GIGYF1: variants seen among roughly 807,000 people sequenced by gnomAD.
The protein encoded by GIGYF1 is GRB10-interacting GYF protein 1.
A neutral mutation model predicts 147.1 loss-of-function variants in GIGYF1; 84 were observed. The observed-to-expected ratio is 0.57, with a 90% confidence interval of 0.48 to 0.68. The LOEUF is 0.68. Among genes scored for constraint, GIGYF1 ranks in the 30% least tolerant of loss-of-function variants. The probability of loss-of-function intolerance (pLI) is 0.00; values close to 1 mark genes in which losing one functional copy is unlikely to be tolerated. For synonymous variants in GIGYF1, 752 were observed against 589.5 expected (o/e 1.28, Z -3.99); for missense variants, 1,485 against 1,393.7 (o/e 1.07, Z -1.04).
intron 13 of GIGYF1, 58 bp from the exon 14 acceptor site, chr7:100,685,204 C>T (rs1445797694): frequency 3.6e-5 from 54 of 1,511,920 alleles, no homozygotes; most frequent in South Asian, 4.8e-5. Flanking sequence ...AGATAGCTTT[C>T]GCCTACTCTC....
chr7:100,682,027 G>A (rs1002033301), intron 25 of GIGYF1, 34 bp from the exon 26 acceptor site: 7 of 1,610,336 alleles, frequency 4.3e-6, no homozygotes, highest in Non-Finnish European at 5.9e-6. Flanking sequence ...AAGGTCAGGA[G>A]GCACCAGGCA....
At chr7:100,687,694 G>A (rs1167927615) in intron 6 of GIGYF1, 78 bp from the exon 7 acceptor site, 35 of 430,058 alleles carry the variant, frequency 8.1e-5, no homozygotes, top group Non-Finnish European at 1.1e-4. Context: ...CACCCTCCCC[G>A]CCTGTCTCCT....
Position 100,684,528 on chromosome 7 carries a change from G to A in GIGYF1, c.1551C>T (p.Gly517=). 1 of 1,614,056 alleles carries A rather than the reference G, an allele frequency of 6.2e-7. No homozygotes were observed. The highest frequency in any genetic ancestry group is 2.2e-5 in the East Asian group (1 of 44,888). Residue 517 remains glycine (G), a synonymous_variant, in exon 16 of 27, where the codon GGC becomes GGT. Transcript: ENST00000678049. ...SLLVKRGCDE[G]FQPLGEVIKM... is the part of the protein sequence containing the mutation. ...TGATCACCTCGCCCAGCGGCTGGAA[G>A]CCCTCATCGCAGCCCCGCTTCACCA...
chr7:100,687,489 G>A lies in GIGYF1; in HGVS notation c.373+16C>T, dbSNP rs956002423. The A allele has an allele frequency of 1.2e-5, 19 of 1,607,012 alleles. No homozygotes were observed. The highest frequency in any genetic ancestry group is 5.3e-5 in the African/African-American group (4 of 74,804). Reference sequence around the variant, plus strand: ...CCAGATCTGCCCGTCCCCAGGACACGCCATCACCCCTCTACCTCGGCTCCG... The same window carrying A: ...CCAGATCTGCCCGTCCCCAGGACACACCATCACCCCTCTACCTCGGCTCCG... On this transcript the variant is annotated intron_variant, in intron 7 of 26. Transcript: ENST00000678049.
rs749519464 is a variant in GIGYF1 at position 100,686,711 on chromosome 7, C to CCCTCCT, written c.626_631dup (p.Glu209_Glu210dup). On this transcript the variant is annotated inframe_insertion, in exon 10 of 27. Coordinates refer to ENST00000678049, the MANE Select transcript of GIGYF1 (RefSeq NM_001375765.1). ...GGGCCCTGCTCCGAGCCTCCAGCTG[C>CCCTCCT]CCTCCTCCTCCTCCTCCTGTTCCTC... 8.1e-6 allele frequency: 13 copies of CCCTCCT among 1,611,980 alleles called. No homozygotes were observed. The highest frequency in any genetic ancestry group is 2.2e-5 in the South Asian group (2 of 91,002).
chr7:100,693,660 A>C (rs1806004260), intron 1 of GIGYF1, among the ~76,000 whole-genome samples: 1 of 151,934 alleles, frequency 6.6e-6, no homozygotes, highest in South Asian at 2.1e-4. Context: ...GGGCCCGGCC[A>C]CCCTAGGACG....
At position 100,680,528 on chromosome 7, in the gene GIGYF1, CATCAT is replaced by C. The variant is rs1307752141; in HGVS notation, c.*1186_*1190del. The C allele has an allele frequency of 1.1e-4, 17 of 152,680 alleles. No homozygotes were observed. The highest frequency in any genetic ancestry group is 3.9e-4 in the African/African-American group (16 of 41,458). The allele number at this position is 152,680 out of a possible 1,614,324, so 9.5% of individuals were successfully genotyped here. ...CAACCTTACCCAACGGTAAAAAGCG[CATCAT>C]ATCAGACCCGGAAGGCCACCTGCTC... On this transcript the variant is annotated 3_prime_UTR_variant, in exon 27 of 27. Transcript: ENST00000678049.
chr7:100,683,231 C>T lies in GIGYF1; in HGVS notation c.2194-1G>A. On this transcript the variant is annotated splice_acceptor_variant, in intron 21 of 26. Transcript: ENST00000678049. LOFTEE classifies it high-confidence loss of function. The stretch of plus-strand genomic sequence containing the variant: ...TCAGCAATAGCTCCTGCTGCCGCAC[C>T]TAAGAGGGGGACATGGTGAGGGGAC... 1 of 1,612,462 alleles carries T rather than the reference C, an allele frequency of 6.2e-7. No homozygotes were observed. The highest frequency in any genetic ancestry group is 8.5e-7 in the Non-Finnish European group (1 of 1,179,982).
In GIGYF1 at chr7:100,687,635, G is replaced by A. The variant is rs776770975; in HGVS notation, c.262-19C>T. The A allele has an allele frequency of 7.6e-6, 12 of 1,588,540 alleles. No individual in the cohort carries two copies. In the African/African-American group the frequency reaches 1.5e-4, roughly 20 times the overall value. On this transcript the variant is annotated intron_variant, in intron 6 of 26. Transcript: ENST00000678049. ...AGTTTCTCTGAGGAGGGAGCCAGGG[G>A]CGGGAGTGAGGACCCAGGCACCCAA...
chr7:100,687,043 G>C lies in GIGYF1; in HGVS notation c.486C>G (p.Gly162=), dbSNP rs544550676. The C allele has an allele frequency of 3.1e-6, 5 of 1,613,794 alleles. No individual in the cohort carries two copies. Among genetic ancestry groups the C allele is most frequent in the Non-Finnish European group, 3.4e-6 (4 of 1,179,998 alleles). Residue 162 remains glycine, a synonymous_variant, in exon 9 of 27, where the codon GGC becomes GGG. Coordinates refer to ENST00000678049, the MANE Select transcript of GIGYF1 (RefSeq NM_001375765.1). ...IQRSQSWDDR[G]ERRFEKSARR... ...TTGCTGACTTCTCAAACCGCCTCTC[G>C]CCTCTGCAGCAGGGGAAACGTGTGG...
intron 1 of GIGYF1, among the ~76,000 whole-genome samples, chr7:100,691,501 A>G (rs1805818767): frequency 2.4e-5 from 1 of 42,074 alleles, no homozygotes; most frequent in Non-Finnish European, 4.2e-5. Flanking sequence ...TTGAGAAAAG[A>G]ATAGATTTTT....
chr7:100,681,551 G>A lies in GIGYF1; in HGVS notation c.*168C>T. 1 of 467,468 alleles carries A rather than the reference G, an allele frequency of 2.1e-6. No homozygotes were observed. Among genetic ancestry groups the A allele is most frequent in the Non-Finnish European group, 3.7e-6 (1 of 271,284 alleles). 29.0% of individuals were successfully genotyped at this position (467,468 alleles called of 1,614,324 possible). On this transcript the variant is annotated 3_prime_UTR_variant, in exon 27 of 27. Coordinates refer to ENST00000678049, the MANE Select transcript of GIGYF1 (RefSeq NM_001375765.1). ...AACCCCCTCCCCCAGTCTGTAAAGT[G>A]CCTCGTGGTGGGTGAGTTAAGGTGC...
In GIGYF1 at chr7:100,684,443, G is replaced by A. The variant is rs375600345; in HGVS notation, c.1629+7C>T. Reference sequence around the variant, plus strand: ...CTGTCCCTCCATGCAGGGGAGAAGCGGCTCACCAGCAGTGGGGGAGGTGAG... The same window carrying A: ...CTGTCCCTCCATGCAGGGGAGAAGCAGCTCACCAGCAGTGGGGGAGGTGAG... On this transcript the variant is annotated splice_region_variant and intron_variant, in intron 16 of 26. Transcript: ENST00000678049. 186 of 1,611,972 alleles carry A rather than the reference G, an allele frequency of 1.2e-4. No homozygotes were observed. Among genetic ancestry groups the A allele is most frequent in the Non-Finnish European group, 1.5e-4 (177 of 1,179,900 alleles).
Position 100,679,966 on chromosome 7 carries a change from C to T in GIGYF1, c.*1753G>A, listed in dbSNP as rs1562862308. 1 of 152,572 alleles carries T rather than the reference C, an allele frequency of 6.6e-6. No individual in the cohort carries two copies. The highest frequency in any genetic ancestry group is 1.5e-5 in the Non-Finnish European group (1 of 68,112). 9.5% of individuals were successfully genotyped at this position (152,572 alleles called of 1,614,324 possible). A position where few individuals can be genotyped will look rare whatever the true frequency, so the allele number is the denominator to read the frequency against. ...ATTCAGTCACAACAGGAGTCTCCCC[C>T]ACACCTGGCAAGAGGGAAGGGGAGC... On this transcript the variant is annotated 3_prime_UTR_variant, in exon 27 of 27. Transcript: ENST00000678049.
Position 100,681,650 on chromosome 7 carries a change from C to CT in GIGYF1, c.*68dup. 1 of 1,449,890 alleles carries CT rather than the reference C, an allele frequency of 6.9e-7. No homozygotes were observed. Among genetic ancestry groups the CT allele is most frequent in the Admixed American group, 2.4e-5 (1 of 42,364 alleles). The allele number at this position is 1,449,890 out of a possible 1,614,324, so 89.8% of individuals were successfully genotyped here. On this transcript the variant is annotated 3_prime_UTR_variant, in exon 27 of 27. Coordinates refer to ENST00000678049, the MANE Select transcript of GIGYF1 (RefSeq NM_001375765.1). ...GTGCTCTCTGCGGGGAGCCTGCAGG[C>CT]TGGGACCCTCGGTCCACGCCGCTGT...
chr7:100,690,303 C>T (rs1805726437), intron 1 of GIGYF1, among the ~76,000 whole-genome samples: 1 of 152,062 alleles, frequency 6.6e-6, no homozygotes, highest in Non-Finnish European at 1.5e-5. Context: ...TCTAGAAGGC[C>T]AGAAGCTCAT....
chr7:100,681,960 C>A lies in GIGYF1; in HGVS notation c.2959G>T (p.Ala987Ser). ...AWLSSASLQT[A>S]FQANHSTKLG... ...TTGGTGCTGTGGTTGGCCTGGAAGG[C>A]CGTCTGCAGCGAGGCGCTGCTCAGC... Residue 987 changes from alanine (A) to serine (S), a missense_variant, in exon 26 of 27, where the codon GCC becomes TCC. Physicochemically the swap from Ala to Ser is moderately conservative, Grantham distance 99 (BLOSUM62 1). Coordinates refer to ENST00000678049, the MANE Select transcript of GIGYF1 (RefSeq NM_001375765.1). 1.9e-6 allele frequency: 3 copies of A among 1,609,134 alleles called. No homozygotes were observed. The highest frequency in any genetic ancestry group is 2.2e-5 in the South Asian group (2 of 91,076).
intron 1 of GIGYF1, among the ~76,000 whole-genome samples, chr7:100,693,243 T>A (rs1279044458): frequency 6.6e-6 from 1 of 152,032 alleles, no homozygotes; most frequent in Non-Finnish European, 1.5e-5. Flanking sequence ...GTAATGACTG[T>A]ATAACAGAGA....
chr7:100,682,237 T>C lies in GIGYF1; in HGVS notation c.2762-2A>G, dbSNP rs1201606776. On this transcript the variant is annotated splice_acceptor_variant, in intron 24 of 26. Transcript: ENST00000678049. LOFTEE classifies it high-confidence loss of function. ...TGAGGATCGCTACAGCCATGGGCAC[T>C]GCAGGATGAGCGAAGGCTGTCAGGG... 6.2e-7 allele frequency: 1 copy of C among 1,610,876 alleles called. No individual in the cohort carries two copies. Among genetic ancestry groups the C allele is most frequent in the Non-Finnish European group, 8.5e-7 (1 of 1,179,314 alleles).
Sources: gnomAD v4.1 joint callset for allele counts (sites outside exome capture counted in the v4.1 genomes callset) on GRCh38, gnomAD v4.1.1 for gene constraint, MANE v1.5 for transcripts, NCBI Gene and HGNC (gene_info 2026-07-23, HGNC 2026-07-21) for gene names.